Variants in ZMAT4 observed in about 807,000 individuals in gnomAD.
ZMAT4 encodes zinc finger matrin-type 4.
In ZMAT4, 17 loss-of-function variants were observed where a neutral mutation model predicts 28.7. That is an observed-to-expected ratio of 0.59 (90% CI 0.41 to 0.89). The LOEUF is 0.89. Ranked by LOEUF, ZMAT4 falls within the 40% of genes least tolerant of loss-of-function variation. The pLI, the probability that ZMAT4 is intolerant of heterozygous loss-of-function variation, is 0.00. For missense variants in ZMAT4, 240 were observed against 283.8 expected (o/e 0.85, Z 1.11); for synonymous variants, 117 against 109.2 (o/e 1.07, Z -0.44).
intron 6 of ZMAT4, among the ~76,000 whole-genome samples, chr8:40,536,725 G>A (rs1802858448): frequency 6.6e-6 from 1 of 152,014 alleles, no homozygotes; most frequent in Admixed American, 6.6e-5. Context: ...CGTGTTTCCT[G>A]AATTTACCCT....
chr8:40,876,565 C>T (rs1373979614), intron 1 of ZMAT4, among the ~76,000 whole-genome samples: 2 of 152,220 alleles, frequency 1.3e-5, no homozygotes, highest in African/African-American at 4.8e-5. Context: ...ATCCTACCAC[C>T]TCAGCCTCCA....
intron 6 of ZMAT4, among the ~76,000 whole-genome samples, chr8:40,559,890 A>C (rs1803676516): frequency 6.6e-6 from 1 of 152,158 alleles, no homozygotes; most frequent in Admixed American, 6.5e-5. Flanking sequence ...TAATAGAAAA[A>C]AATAGATGAC....
chr8:40,660,502 A>C (rs541097097), intron 5 of ZMAT4, among the ~76,000 whole-genome samples: 28 of 152,334 alleles, frequency 1.8e-4, no homozygotes, highest in Non-Finnish European at 3.7e-4. Context: ...CCCGTTACAT[A>C]ATAACCACCT....
intron 5 of ZMAT4, among the ~76,000 whole-genome samples, chr8:40,616,056 C>G (rs1389711353): frequency 6.6e-6 from 1 of 152,044 alleles, no homozygotes; most frequent in African/African-American, 2.4e-5. Flanking sequence ...AGCAAACAAC[C>G]CCATCAAAAA....
At chr8:40,858,006 G>A in intron 1 of ZMAT4, among the ~76,000 whole-genome samples, 1 of 152,204 alleles carries the variant, frequency 6.6e-6, no homozygotes, top group Non-Finnish European at 1.5e-5. Context: ...TTGCCTCTGG[G>A]GAATGGGAGT....
intron 1 of ZMAT4, among the ~76,000 whole-genome samples, chr8:40,885,376 T>A (rs1474021167): frequency 6.6e-6 from 1 of 151,832 alleles, no homozygotes; most frequent in Non-Finnish European, 1.5e-5. Flanking sequence ...TCCCTCTCCC[T>A]CCCCGCTGTT....
chr8:40,763,882 G>C (rs1186043636), intron 3 of ZMAT4, among the ~76,000 whole-genome samples: 1 of 152,054 alleles, frequency 6.6e-6, no homozygotes, highest in Non-Finnish European at 1.5e-5. Flanking sequence ...TCTATGTTTA[G>C]AGGGAATTAT....
At chr8:40,573,222 A>T (rs1424161159) in intron 6 of ZMAT4, among the ~76,000 whole-genome samples, 1 of 152,172 alleles carries the variant, frequency 6.6e-6, no homozygotes, top group East Asian at 1.9e-4. Context: ...GGGTTGCCTA[A>T]AATGTATCAT....
intron 1 of ZMAT4, among the ~76,000 whole-genome samples, chr8:40,833,305 C>T (rs906388778): frequency 3.3e-5 from 5 of 152,162 alleles, no homozygotes; most frequent in African/African-American, 1.2e-4. Flanking sequence ...CGTGGTGGCT[C>T]ACACCTGTAA....
chr8:40,818,338 A>T (rs966246193), intron 2 of ZMAT4, among the ~76,000 whole-genome samples: 1 of 152,242 alleles, frequency 6.6e-6, no homozygotes, highest in Non-Finnish European at 1.5e-5. Context: ...AGGAAACAGA[A>T]GTTGAACATT....
intron 5 of ZMAT4, among the ~76,000 whole-genome samples, chr8:40,589,971 C>CCCTCCCTTCCCTCCTT (rs1341460065): frequency 1.0e-4 from 3 of 28,830 alleles, no homozygotes; most frequent in Non-Finnish European, 6.2e-5. Flanking sequence ...TTCCCTCCCT[C>CCCTCCCTTCCCTCCTT]CCTTCCTTCC....
chr8:40,801,494 C>T (rs1814846903), intron 2 of ZMAT4, among the ~76,000 whole-genome samples: 1 of 151,016 alleles, frequency 6.6e-6, no homozygotes, highest in African/African-American at 2.4e-5. Context: ...ATGCTGAAAC[C>T]CTGTCTCTAC....
chr8:40,697,372 G>A lies in ZMAT4; in HGVS notation c.222C>T (p.Asn74=). ...ACATGTTGCAGAGTGTGCAGCACTT[G>A]TTCTTATCCACCATGTCGGCATCAC... The part of the protein sequence containing the change: ...NGSDADMVDK[N]KCCTLCNMSF... The change falls in exon 4 of 7, where the codon AAC becomes AAT. Residue 74 remains asparagine, a synonymous_variant. Transcript: ENST00000297737. 6.2e-7 allele frequency: 1 copy of A among 1,605,136 alleles called. No homozygotes were observed. Among genetic ancestry groups the A allele is most frequent in the Non-Finnish European group, 8.5e-7 (1 of 1,175,072 alleles).
chr8:40,842,664 A>G (rs1299185263), intron 1 of ZMAT4, among the ~76,000 whole-genome samples: 1 of 152,234 alleles, frequency 6.6e-6, no homozygotes, highest in Non-Finnish European at 1.5e-5. Flanking sequence ...GGCACTTCTC[A>G]TCACTTAATT....
At chr8:40,805,988 C>T (rs1473554139) in intron 2 of ZMAT4, among the ~76,000 whole-genome samples, 1 of 147,108 alleles carries the variant, frequency 6.8e-6, no homozygotes, top group African/African-American at 2.6e-5. Context: ...ATCTGATGAA[C>T]CTTGTCTGAG....
chr8:40,832,295 C>A (rs1363338464), intron 1 of ZMAT4, among the ~76,000 whole-genome samples: 1 of 152,206 alleles, frequency 6.6e-6, no homozygotes, highest in Non-Finnish European at 1.5e-5. Flanking sequence ...CTCAGACTCT[C>A]TTTTCTGTGT....
chr8:40,719,820 C>G (rs757403253), intron 3 of ZMAT4, among the ~76,000 whole-genome samples: 3 of 152,154 alleles, frequency 2.0e-5, no homozygotes, highest in Admixed American at 6.5e-5. Flanking sequence ...ATCTGCCCCC[C>G]CTCAGCCTCC....
At chr8:40,759,855 G>A (rs1261963995) in intron 3 of ZMAT4, among the ~76,000 whole-genome samples, 2 of 152,158 alleles carry the variant, frequency 1.3e-5, no homozygotes, top group Non-Finnish European at 2.9e-5. Context: ...AAAAGACATA[G>A]ATAAGATGTG....
chr8:40,751,955 C>G (rs1485457639), intron 3 of ZMAT4, among the ~76,000 whole-genome samples: 5 of 152,166 alleles, frequency 3.3e-5, no homozygotes, highest in African/African-American at 1.2e-4. Context: ...CTCCTAAAGT[C>G]TAACGCTGTG....
Sources: allele counts gnomAD v4.1 joint callset (sites outside exome capture counted in the v4.1 genomes callset), GRCh38; gene constraint gnomAD v4.1.1; transcripts MANE v1.5; gene names NCBI Gene and HGNC (gene_info 2026-07-23, HGNC 2026-07-21).